CPM: variants seen among roughly 807,000 people sequenced by gnomAD.
CPM encodes renal carboxypeptidase.
A neutral mutation model predicts 46.4 loss-of-function variants in CPM; 35 were observed. The ratio of observed to expected loss-of-function variants is 0.75; its 90% CI spans 0.58 to 1.00. The LOEUF is 1.00. CPM is among the 50% of genes least tolerant of loss of function. The pLI is 0.00. For synonymous variants in CPM, 195 were observed against 195.3 expected (o/e 1.00, Z 0.01); for missense variants, 422 against 530.4 (o/e 0.80, Z 2.01).
At chr12:68,842,464 G>C in intron 5 of CPM, 1 of 416,778 alleles carries the variant, frequency 2.4e-6, no homozygotes, top group Admixed American at 3.3e-5. Flanking sequence ...CTAAATTATT[G>C]ACTTATTTTT....
At chr12:68,909,627 A>T (rs547961131) in intron 2 of CPM, among the ~76,000 whole-genome samples, 1 of 152,280 alleles carries the variant, frequency 6.6e-6, no homozygotes, top group South Asian at 2.1e-4. Context: ...AAAATGTGGC[A>T]CATATACACC....
At chr12:68,843,357 AATAAATGAT>A (rs2136188817) in intron 5 of CPM, 1 of 231,264 alleles carries the variant, frequency 4.3e-6, no homozygotes, top group South Asian at 1.8e-4. Flanking sequence ...TCTTGCTACA[AATAAATGAT>A]ATTTGAGCTG....
At chr12:68,951,106 C>G (rs1592715405) in intron 1 of CPM, among the ~76,000 whole-genome samples, 1 of 152,200 alleles carries the variant, frequency 6.6e-6, no homozygotes, top group East Asian at 1.9e-4. Flanking sequence ...AGTCTGACAG[C>G]CTGGCTGTAC....
At chr12:68,949,470 T>G (rs185202548) in intron 1 of CPM, among the ~76,000 whole-genome samples, 224 of 152,300 alleles carry the variant, frequency 1.5e-3, no homozygotes, top group Non-Finnish European at 2.1e-3. Context: ...TGTTTAAAGT[T>G]GTAATTAGGA....
At chr12:68,867,626 T>G (rs1885510538) in intron 6 of CPM, among the ~76,000 whole-genome samples, 1 of 151,938 alleles carries the variant, frequency 6.6e-6, no homozygotes, top group Non-Finnish European at 1.5e-5. Flanking sequence ...TGCTCAGGGG[T>G]TTTGGCCAGT....
At chr12:68,899,615 T>C (rs938612169) in intron 2 of CPM, among the ~76,000 whole-genome samples, 1 of 152,170 alleles carries the variant, frequency 6.6e-6, no homozygotes, top group Non-Finnish European at 1.5e-5. Context: ...AAATGGTTCA[T>C]TAGGAATCAA....
At chr12:68,926,535 G>A (rs1429731655) in intron 2 of CPM, among the ~76,000 whole-genome samples, 2 of 151,828 alleles carry the variant, frequency 1.3e-5, no homozygotes, top group Admixed American at 6.6e-5. Flanking sequence ...TCTGTGTCAA[G>A]CTGCTTTTTA....
intron 5 of CPM, 28 bp from the exon 6 acceptor site, chr12:68,869,523 TTAAAC>T: frequency 6.3e-7 from 1 of 1,576,350 alleles, no homozygotes; most frequent in Non-Finnish European, 8.6e-7. Flanking sequence ...ACCAAGACCT[TTAAAC>T]TGACTTGAGA....
At chr12:68,952,880 G>A (rs1888957245) in intron 1 of CPM, among the ~76,000 whole-genome samples, 1 of 152,186 alleles carries the variant, frequency 6.6e-6, no homozygotes, top group Non-Finnish European at 1.5e-5. Flanking sequence ...GGCCAACCAT[G>A]TATCCCTCCC....
chr12:68,961,580 T>C (rs1194130644), intron 1 of CPM, among the ~76,000 whole-genome samples: 1 of 152,202 alleles, frequency 6.6e-6, no homozygotes, highest in Non-Finnish European at 1.5e-5. Context: ...TGTGCAACAC[T>C]GTGCCTGGCT....
intron 1 of CPM, among the ~76,000 whole-genome samples, chr12:68,956,732 T>C (rs1889024864): frequency 6.6e-6 from 1 of 152,210 alleles, no homozygotes; most frequent in Non-Finnish European, 1.5e-5. Context: ...CTCTTCCGTG[T>C]TTTTTCAGAG....
At chr12:68,932,340 G>A (rs1032149852) in intron 2 of CPM, among the ~76,000 whole-genome samples, 1 of 152,162 alleles carries the variant, frequency 6.6e-6, no homozygotes, top group African/African-American at 2.4e-5. Context: ...GAACTGAAAC[G>A]GATAAACGGA....
chr12:68,962,210 A>AAAAAAAC (rs60101861), intron 1 of CPM, among the ~76,000 whole-genome samples: 6,960 of 145,928 alleles, frequency 0.048, 552 homozygotes, highest in African/African-American at 0.15. Context: ...AAAAAAAAAA[A>AAAAAAAC]AAAAAAAACC....
chr12:68,864,812 GA>G (rs1422722445), intron 7 of CPM, among the ~76,000 whole-genome samples: 4 of 152,178 alleles, frequency 2.6e-5, no homozygotes, highest in African/African-American at 9.7e-5. Context: ...AGGAGTTTGG[GA>G]CTCACCTGGA....
intron 1 of CPM, among the ~76,000 whole-genome samples, chr12:68,960,582 G>A (rs1889094528): frequency 6.6e-6 from 1 of 152,146 alleles, no homozygotes; most frequent in South Asian, 2.1e-4. Context: ...GCTGAGCCTA[G>A]AACATCATAT....
chr12:68,872,014 C>T (rs1430899634), intron 3 of CPM, 58 bp from the exon 4 acceptor site: 1 of 1,574,094 alleles, frequency 6.4e-7, no homozygotes, highest in Non-Finnish European at 8.7e-7. Context: ...AAGGAAAGCA[C>T]TCCCTACGGT....
chr12:68,928,396 C>T (rs1888359643), intron 2 of CPM, among the ~76,000 whole-genome samples: 1 of 152,140 alleles, frequency 6.6e-6, no homozygotes, highest in Non-Finnish European at 1.5e-5. Context: ...ACTTAAATGT[C>T]AAGCTGCTTT....
Position 68,888,735 on chromosome 12 carries a change from C to A in CPM, c.161-2846G>T, listed in dbSNP as rs138744797. 6.4e-3 allele frequency among the ~76,000 whole-genome samples: 978 copies of A among 152,286 alleles called. 17 individuals are homozygous for A. The highest frequency in any genetic ancestry group is 0.022 in the African/African-American group (933 of 41,554). On this transcript the variant is annotated intron_variant, in intron 2 of 8. Transcript: ENST00000551568. ...AAGTACTCAGCCACTCTCTCTCCAC[C>A]ACAAAGTAAATGAAGTTTGGATTCC...
intron 2 of CPM, among the ~76,000 whole-genome samples, chr12:68,921,676 A>C (rs1349094193): frequency 1.3e-5 from 2 of 152,144 alleles, no homozygotes; most frequent in Non-Finnish European, 2.9e-5. Context: ...ACTGGGGCAT[A>C]ATTGTGGTCC....
Sources: allele counts gnomAD v4.1 joint callset (sites outside exome capture counted in the v4.1 genomes callset), GRCh38; gene constraint gnomAD v4.1.1; transcripts MANE v1.5; gene names NCBI Gene and HGNC (gene_info 2026-07-23, HGNC 2026-07-21).